SEPTIN9: variants seen among roughly 807,000 people sequenced by gnomAD.
SEPTIN9 encodes the protein septin-9.
SEPTIN9 carries 13 observed loss-of-function variants against 56.6 expected under a neutral mutation model. The observed-to-expected ratio is 0.23, with a 90% CI of 0.15 to 0.37. The LOEUF (loss-of-function observed/expected upper bound fraction) is 0.37, where lower values mean the gene tolerates loss of function less well. SEPTIN9 is among the 10% of genes least tolerant of loss of function. The pLI is 1.00. For synonymous variants in SEPTIN9, 332 were observed against 334.1 expected, an observed-to-expected ratio of 0.99 and a Z score of 0.07; for missense variants, 650 against 823.1, an observed-to-expected ratio of 0.79 and a Z score of 2.57.
chr17:77,398,841 T>C (rs764082109), intron 2 of SEPTIN9, among the ~76,000 whole-genome samples: 4 of 152,098 alleles, frequency 2.6e-5, no homozygotes, highest in Non-Finnish European at 4.4e-5. Context: ...TCTCAGAGCT[T>C]ACTGAGAGCT....
At chr17:77,328,246 C>T (rs1165868503) in intron 2 of SEPTIN9, among the ~76,000 whole-genome samples, 1 of 152,248 alleles carries the variant, frequency 6.6e-6, no homozygotes, top group Non-Finnish European at 1.5e-5. Context: ...TTCCTAATCT[C>T]CCTCCACCAA....
intron 3 of SEPTIN9, chr17:77,428,996 G>C (rs312896): frequency 0.1 from 47,436 of 471,058 alleles, 7,947 homozygotes; most frequent in African/African-American, 0.49. Context: ...GTGGTAAGCC[G>C]TCAGAGGAGG....
intron 3 of SEPTIN9, among the ~76,000 whole-genome samples, chr17:77,420,485 T>C (rs2036660371): frequency 6.6e-6 from 1 of 152,176 alleles, no homozygotes; most frequent in African/African-American, 2.4e-5. Context: ...TGCAAGCCTG[T>C]GTGGCTTCAG....
chr17:77,488,192 G>A (rs1568116537), intron 5 of SEPTIN9, 48 bp from the exon 6 acceptor site: 1 of 1,574,956 alleles, frequency 6.3e-7, no homozygotes, highest in Admixed American at 1.7e-5. Context: ...GGGTGTCTGT[G>A]AGGGTCTTCC....
chr17:77,421,061 G>C lies in SEPTIN9; in HGVS notation c.721+18358G>C, dbSNP rs943012955. 6.6e-6 allele frequency among the ~76,000 whole-genome samples: 1 copy of C among 152,216 alleles called. No homozygotes were observed. The highest frequency in any genetic ancestry group is 6.5e-5 in the Admixed American group (1 of 15,284). The stretch of plus-strand genomic sequence containing the variant: ...AGACGGGGTACTGTGCAGTGGTCGG[G>C]GTAGGGGTGGAGCTCTGCCGTCGCT... On this transcript the variant is annotated intron_variant, in intron 3 of 11. Coordinates refer to ENST00000427177, the MANE Select transcript of SEPTIN9 (RefSeq NM_001113491.2). This position sits in a 1 kb window ranked among gnomAD's most constrained non-coding sequence, Gnocchi z 4.6.
intron 1 of SEPTIN9, chr17:77,288,020 G>T: frequency 2.1e-5 from 22 of 1,061,236 alleles, no homozygotes; most frequent in Non-Finnish European, 2.5e-5. Context: ...ACCCTGGATG[G>T]CCACTCTGCC....
intron 2 of SEPTIN9, among the ~76,000 whole-genome samples, chr17:77,359,931 A>G (rs2034361917): frequency 6.6e-6 from 1 of 152,098 alleles, no homozygotes; most frequent in Non-Finnish European, 1.5e-5. Flanking sequence ...TTGGGAGGCC[A>G]AGGTGGGTGG....
In SEPTIN9 at chr17:77,327,798, A is replaced by G. The variant is rs186687178; in HGVS notation, c.76+20601A>G. On this transcript the variant is annotated intron_variant, in intron 2 of 11. Transcript: ENST00000427177. The surrounding 1 kb of genome is among the most constrained non-coding windows in gnomAD (Gnocchi z 5.0). ...ACTGAATAAACAACACACCCTCGAAATCAGCGAAGAGGCACTGGCTCTGAA... is the reference window on the plus strand; with the variant it reads ...ACTGAATAAACAACACACCCTCGAAGTCAGCGAAGAGGCACTGGCTCTGAA... 5.6e-3 allele frequency among the ~76,000 whole-genome samples: 858 copies of G among 152,266 alleles called. 4 individuals carry two copies. Among genetic ancestry groups the G allele is most frequent in the Middle Eastern group, 0.01 (3 of 294 alleles).
Position 77,498,942 on chromosome 17 carries a change from G to A in SEPTIN9, c.*284G>A, listed in dbSNP as rs987830676. 2.3e-5 allele frequency: 13 copies of A among 558,046 alleles called. No individual in the cohort carries two copies. The highest frequency in any genetic ancestry group is 7.3e-5 in the African/African-American group (4 of 54,542). 34.6% of individuals were successfully genotyped at this position (558,046 alleles called of 1,614,324 possible). On this transcript the variant is annotated 3_prime_UTR_variant, in exon 12 of 12. Coordinates refer to ENST00000427177, the MANE Select transcript of SEPTIN9 (RefSeq NM_001113491.2). Reference sequence around the variant, plus strand: ...CCTCTGTCCCCAGGCCTGGCTCCCCGAGGGCTCAGAAGAGCAGCTTCGGTG... The same window carrying A: ...CCTCTGTCCCCAGGCCTGGCTCCCCAAGGGCTCAGAAGAGCAGCTTCGGTG...
chr17:77,458,942 G>T (rs1245121783), intron 3 of SEPTIN9, among the ~76,000 whole-genome samples: 2 of 152,240 alleles, frequency 1.3e-5, no homozygotes. Context: ...AGAGATGGGA[G>T]TGAGAAAATG....
intron 2 of SEPTIN9, among the ~76,000 whole-genome samples, chr17:77,345,823 A>C (rs1282981190): frequency 6.6e-6 from 1 of 152,240 alleles, no homozygotes; most frequent in Non-Finnish European, 1.5e-5. Context: ...AGAAAGACTC[A>C]TAAGGCCTCG....
At chr17:77,388,974 G>A (rs541019361) in intron 2 of SEPTIN9, among the ~76,000 whole-genome samples, 1 of 152,206 alleles carries the variant, frequency 6.6e-6, no homozygotes, top group Non-Finnish European at 1.5e-5. Flanking sequence ...AGACAAGGGA[G>A]AGCTTGTCCG....
intron 1 of SEPTIN9, among the ~76,000 whole-genome samples, chr17:77,290,415 G>A (rs1236747749): frequency 2.0e-5 from 3 of 151,572 alleles, no homozygotes; most frequent in Non-Finnish European, 4.4e-5. Flanking sequence ...CCGCCCCCAC[G>A]CCCGGCTAAT....
intron 3 of SEPTIN9, among the ~76,000 whole-genome samples, chr17:77,424,030 T>A (rs1480540280): frequency 2.0e-5 from 3 of 152,176 alleles, no homozygotes; most frequent in African/African-American, 7.2e-5. Context: ...CAGATTTGTT[T>A]CCATTTTAGG....
intron 2 of SEPTIN9, among the ~76,000 whole-genome samples, chr17:77,377,585 G>A (rs768736985): frequency 3.9e-5 from 6 of 152,012 alleles, no homozygotes; most frequent in South Asian, 2.1e-4. Context: ...CCCCACTGTC[G>A]CCCGAGGAGG....
intron 6 of SEPTIN9, 35 bp from the exon 7 acceptor site, chr17:77,488,692 A>G (rs754866279): frequency 1.2e-6 from 2 of 1,612,822 alleles, no homozygotes; most frequent in East Asian, 2.2e-5. Flanking sequence ...AGGGCATCTC[A>G]TGTGCCTGCT....
chr17:77,379,017 A>T (rs1010178952), intron 2 of SEPTIN9, among the ~76,000 whole-genome samples: 4 of 152,056 alleles, frequency 2.6e-5, no homozygotes. Context: ...GTTGTGGCAG[A>T]GTGTGCATCC....
At position 77,450,865 on chromosome 17, in the gene SEPTIN9, G is replaced by A; in HGVS notation, c.722-31279G>A. ...TGGTCCCAGCCAGCAAGCACCTGGG[G>A]TAGAGGGGACAAACCCAGGTGGCTG... On this transcript the variant is annotated intron_variant, in intron 3 of 11. Transcript: ENST00000427177. The surrounding 1 kb of genome is among the most constrained non-coding windows in gnomAD (Gnocchi z 6.0). The A allele has an allele frequency of 2.1e-6, 2 of 949,882 alleles. No individual in the cohort carries two copies. Among genetic ancestry groups the A allele is most frequent in the African/African-American group, 1.8e-5 (1 of 56,664 alleles). The allele number at this position is 949,882 out of a possible 1,614,324, so 58.8% of individuals were successfully genotyped here.
chr17:77,481,233 C>T (rs1013930481), intron 3 of SEPTIN9, among the ~76,000 whole-genome samples: 48 of 152,352 alleles, frequency 3.2e-4, no homozygotes, highest in African/African-American at 9.6e-4. Flanking sequence ...ATCGAAGGGA[C>T]CTACAGACAG....
Sources: allele counts gnomAD v4.1 joint callset (sites outside exome capture counted in the v4.1 genomes callset), GRCh38; gene constraint gnomAD v4.1.1; non-coding constraint Gnocchi (gnomAD v3.1); transcripts MANE v1.5; gene names NCBI Gene and HGNC (gene_info 2026-07-23, HGNC 2026-07-21).